Variants in TRERF1 observed in about 807,000 individuals in gnomAD.
TRERF1 encodes the protein transcriptional regulating factor 1.
In TRERF1, 27 loss-of-function variants were observed where a neutral mutation model predicts 122.9. The ratio of observed to expected loss-of-function variants is 0.22; its 90% CI spans 0.16 to 0.30. The LOEUF (loss-of-function observed/expected upper bound fraction) is 0.30, where lower values mean the gene tolerates loss of function less well. TRERF1 is among the 10% of genes least tolerant of loss of function. TRERF1 has a pLI of 1.00. For missense variants in TRERF1, 1,248 were observed against 1,560.3 expected, an observed-to-expected ratio of 0.80 and a Z score of 3.37; for synonymous variants, 636 against 641.7, an observed-to-expected ratio of 0.99 and a Z score of 0.13.
intron 4 of TRERF1, among the ~76,000 whole-genome samples, chr6:42,296,604 T>C (rs1340472809): frequency 6.6e-6 from 1 of 152,140 alleles, no homozygotes; most frequent in African/African-American, 2.4e-5. Flanking sequence ...AACTCAGCTC[T>C]TTCTCCCTGC....
rs759126866 is a variant in TRERF1, at chr6:42,404,093, G to A, written c.-453-41014C>T. 7.9e-4 allele frequency among the ~76,000 whole-genome samples: 119 copies of A among 151,580 alleles called. 2 individuals are homozygous for A. The highest frequency in any genetic ancestry group is 3.3e-4 in the Non-Finnish European group (22 of 67,638). On this transcript the variant is annotated intron_variant, in intron 2 of 17. Transcript: ENST00000372922. ...GGAACATGCTGTGCCTGGGAGTCTTGAGTACTAGACTCAAGTACTAGAATC... is the reference window on the plus strand; with the variant it reads ...GGAACATGCTGTGCCTGGGAGTCTTAAGTACTAGACTCAAGTACTAGAATC...
Position 42,396,956 on chromosome 6 carries a change from T to C in TRERF1, c.-453-33877A>G, listed in dbSNP as rs74567847. 7.9e-4 allele frequency among the ~76,000 whole-genome samples: 120 copies of C among 152,226 alleles called. 2 individuals are homozygous for C. The East Asian group carries it at 0.017, about 22-fold the overall frequency. ...TGCGGCCCTCACCCACAAACCCCCT[T>C]GGGCCACCCTTGCAGACAAGGAACA... On this transcript the variant is annotated intron_variant, in intron 2 of 17. Coordinates refer to ENST00000372922, the Ensembl canonical transcript of TRERF1.
rs980955653 is a variant in TRERF1, at chr6:42,262,562, A to C, written c.1884+758T>G. On this transcript the variant is annotated intron_variant, in intron 8 of 17. Transcript: ENST00000372922. The stretch of plus-strand genomic sequence containing the variant: ...GAGAGAGAGAGAGAGAGAGAGAGAG[A>C]GAGAGAGAGAGAGAGAGAGAGAGAG... Among the ~76,000 whole-genome samples the C allele has an allele frequency of 3.6e-3, 498 of 139,802 alleles. 41 individuals carry two copies. The highest frequency in any genetic ancestry group is 7.1e-3 in the East Asian group (33 of 4,622). 91.7% of individuals were successfully genotyped at this position (139,802 alleles called of 152,430 possible). A position where few individuals can be genotyped will look rare whatever the true frequency, so the allele number is the denominator to read the frequency against.
chr6:42,337,262 G>A (rs1358892674), intron 3 of TRERF1, among the ~76,000 whole-genome samples: 1 of 152,200 alleles, frequency 6.6e-6, no homozygotes, highest in Non-Finnish European at 1.5e-5. Context: ...CAGCCCGAGG[G>A]CCAGGGAGCA....
intron 2 of TRERF1, among the ~76,000 whole-genome samples, chr6:42,386,223 G>T (rs147926612): frequency 2.2e-4 from 33 of 152,118 alleles, no homozygotes; most frequent in African/African-American, 8.0e-4. Flanking sequence ...TAGTAGAGAC[G>T]GGGTTTTGCC....
intron 3 of TRERF1, among the ~76,000 whole-genome samples, chr6:42,361,402 A>G (rs1771736191): frequency 6.6e-6 from 1 of 151,438 alleles, no homozygotes; most frequent in African/African-American, 2.4e-5. Context: ...ACTTACTCAG[A>G]TTTTGTTTTA....
rs548521973 is a variant in TRERF1, at chr6:42,233,387, A to G, written c.3067-495T>C. ...TGCAAGCTCCGCCTCCCAGGTTCAC[A>G]CCATTCTCCTGCCTCAGCCTCCCGA... is the stretch of plus-strand genomic sequence containing the variant. On this transcript the variant is annotated intron_variant, in intron 16 of 17. Coordinates refer to ENST00000372922, the Ensembl canonical transcript of TRERF1. Among the ~76,000 whole-genome samples the G allele has an allele frequency of 7.3e-3, 1,072 of 147,656 alleles. 20 individuals are homozygous for G. The highest frequency in any genetic ancestry group is 0.025 in the African/African-American group (1,005 of 39,768).
At chr6:42,305,028 C>G (rs932114968) in intron 3 of TRERF1, among the ~76,000 whole-genome samples, 1 of 152,198 alleles carries the variant, frequency 6.6e-6, no homozygotes, top group Non-Finnish European at 1.5e-5. Flanking sequence ...GCTACTATAT[C>G]CCATTCAGAC....
chr6:42,386,135 C>T (rs1230051066), intron 2 of TRERF1, among the ~76,000 whole-genome samples: 1 of 152,202 alleles, frequency 6.6e-6, no homozygotes, highest in African/African-American at 2.4e-5. Context: ...GTGGGCGAAT[C>T]ACCTGAGGTT....
rs564334935 is a variant in TRERF1, at chr6:42,259,536, C to T, written c.2072G>A (p.Arg691His). 6.2e-7 allele frequency: 1 copy of T among 1,613,358 alleles called. No homozygotes were observed. Among genetic ancestry groups the T allele is most frequent in the Non-Finnish European group, 8.5e-7 (1 of 1,179,766 alleles). Reference sequence around the variant, plus strand: ...CAGGAGCAGGTGGTCCCCGAGGACGCGCGGGGAGCGCAGCTGGCTCTGGTA... The same window carrying T: ...CAGGAGCAGGTGGTCCCCGAGGACGTGCGGGGAGCGCAGCTGGCTCTGGTA... The change falls in exon 9 of 18, where the codon CGC (arginine) becomes CAC (histidine). Residue 691 changes from arginine (R) to histidine (H), a missense_variant. By Grantham distance (29) the Arg-to-His change is conservative. Around this residue, in one of 5 missense-constraint regions of TRERF1, gnomAD observed 946 missense variants for 1,073.0 expected, o/e 0.88. Coordinates refer to ENST00000372922, the Ensembl canonical transcript of TRERF1. The surrounding 1 kb of genome is among the most constrained non-coding windows in gnomAD (Gnocchi z 4.9).
In TRERF1 at chr6:42,386,421, C is replaced by A. The variant is rs929353366; in HGVS notation, c.-453-23342G>T. ...TCACGCCATTGCATTCCAGCCTGGG[C>A]GACATAGCGAGACCCTGTTTCAAAA... On this transcript the variant is annotated intron_variant, in intron 2 of 17. Transcript: ENST00000372922. Among the ~76,000 whole-genome samples the A allele has an allele frequency of 1.3e-5, 2 of 151,730 alleles. 1 individual carries two copies. Among genetic ancestry groups the A allele is most frequent in the Admixed American group, 1.3e-4 (2 of 15,216 alleles).
intron 2 of TRERF1, among the ~76,000 whole-genome samples, chr6:42,380,991 C>T (rs1354772875): frequency 6.6e-6 from 1 of 152,234 alleles, no homozygotes; most frequent in African/African-American, 2.4e-5. Context: ...CATCATCAAA[C>T]TGAGTCAGAA....
At chr6:42,348,658 C>A (rs902240237) in intron 3 of TRERF1, among the ~76,000 whole-genome samples, 3 of 152,128 alleles carry the variant, frequency 2.0e-5, no homozygotes, top group African/African-American at 7.2e-5. Context: ...TTACCGGGGA[C>A]GATCCACGTA....
At chr6:42,424,246 T>C (rs981462412) in intron 2 of TRERF1, among the ~76,000 whole-genome samples, 1 of 152,218 alleles carries the variant, frequency 6.6e-6, no homozygotes, top group East Asian at 1.9e-4. Context: ...AATGATTGTA[T>C]ACCCAGAAGT....
chr6:42,238,592 G>A (rs1376063501), intron 15 of TRERF1, among the ~76,000 whole-genome samples: 1 of 152,110 alleles, frequency 6.6e-6, no homozygotes, highest in Non-Finnish European at 1.5e-5. Context: ...AAATATGGGG[G>A]TGGGGAGGAG....
At chr6:42,417,861 C>T (rs1225381007) in intron 2 of TRERF1, among the ~76,000 whole-genome samples, 2 of 152,218 alleles carry the variant, frequency 1.3e-5, no homozygotes, top group Non-Finnish European at 2.9e-5. Context: ...GCGCCAAGAA[C>T]TCGGTGAGCT....
intron 2 of TRERF1, among the ~76,000 whole-genome samples, chr6:42,376,608 T>G (rs1220420199): frequency 6.7e-6 from 1 of 148,316 alleles, no homozygotes; most frequent in East Asian, 2.0e-4. Flanking sequence ...AGTGGCGTGA[T>G]CTCAGCTCAC....
At chr6:42,350,893 C>T (rs1769292029) in intron 3 of TRERF1, among the ~76,000 whole-genome samples, 1 of 151,998 alleles carries the variant, frequency 6.6e-6, no homozygotes, top group East Asian at 1.9e-4. Context: ...GCATAAAAAT[C>T]CCTTGTACAT....
chr6:42,374,190 C>T (rs1403168455), intron 2 of TRERF1, among the ~76,000 whole-genome samples: 1 of 150,672 alleles, frequency 6.6e-6, no homozygotes, highest in Non-Finnish European at 1.5e-5. Flanking sequence ...GGGGAAGAGC[C>T]TGCTAAGCCT....
Sources: allele counts gnomAD v4.1 joint callset (sites outside exome capture counted in the v4.1 genomes callset), GRCh38; gene constraint gnomAD v4.1.1; regional missense constraint gnomAD v4.1.1; non-coding constraint Gnocchi (gnomAD v3.1); transcripts MANE v1.5; gene names NCBI Gene and HGNC (gene_info 2026-07-23, HGNC 2026-07-21).